The following LAMA2 variants were observed in gnomAD, a reference collection of about 807,000 sequenced individuals.
The protein encoded by LAMA2 is laminin subunit alpha 2.
In LAMA2, 269 loss-of-function variants were observed where a neutral mutation model predicts 364.8. The observed-to-expected ratio is 0.74, with a 90% CI of 0.67 to 0.82. The LOEUF (loss-of-function observed/expected upper bound fraction) is 0.82. LAMA2 is among the 40% of genes least tolerant of loss of function. The pLI is 0.00. For missense variants in LAMA2, 3,807 were observed against 3,873.2 expected (o/e 0.98, Z 0.45); for synonymous variants, 1,379 against 1,370.6 (o/e 1.01, Z -0.14).
intron 4 of LAMA2, among the ~76,000 whole-genome samples, chr6:129,137,281 G>C: frequency 6.6e-6 from 1 of 151,444 alleles, no homozygotes; most frequent in Non-Finnish European, 1.5e-5. Context: ...CTTTATTAAA[G>C]ACCTTCCAAA....
chr6:129,211,446 TA>T (rs1783096151), intron 12 of LAMA2, among the ~76,000 whole-genome samples: 3 of 152,204 alleles, frequency 2.0e-5, no homozygotes, highest in Non-Finnish European at 2.9e-5. Flanking sequence ...AGAATCTTTA[TA>T]AAACTCAAAT....
intron 41 of LAMA2, among the ~76,000 whole-genome samples, chr6:129,428,104 A>G (rs1281569194): frequency 2.0e-5 from 3 of 152,200 alleles, no homozygotes. Flanking sequence ...TATCTAATGT[A>G]TAGTAACTTT....
chr6:129,361,783 C>CTTTTTTT (rs66805881), intron 32 of LAMA2, among the ~76,000 whole-genome samples: 2 of 121,094 alleles, frequency 1.7e-5, no homozygotes, highest in African/African-American at 3.1e-5. Flanking sequence ...TAACAGTAAC[C>CTTTTTTT]TTTTTTTTTT....
At chr6:128,895,129 AC>A (rs1776683902) in intron 1 of LAMA2, among the ~76,000 whole-genome samples, 1 of 152,200 alleles carries the variant, frequency 6.6e-6, no homozygotes, top group Admixed American at 6.5e-5. Flanking sequence ...GGAGAGTGAT[AC>A]CATTTCTTTT....
At position 129,124,361 on chromosome 6, in the gene LAMA2, G is replaced by T. The variant is rs148166042; in HGVS notation, c.640-19540G>T. 8.1e-4 allele frequency among the ~76,000 whole-genome samples: 123 copies of T among 152,294 alleles called. 1 individual carries two copies. Among genetic ancestry groups the T allele is most frequent in the African/African-American group, 2.9e-3 (119 of 41,560 alleles). ...AAAGGGTAGGTTTACTCATAGCTTG[G>T]GAAGAGAGAGATGGTGTCTCCCTCC... On this transcript the variant is annotated intron_variant, in intron 4 of 64. Coordinates refer to ENST00000421865, the MANE Select transcript of LAMA2 (RefSeq NM_000426.4).
intron 12 of LAMA2, among the ~76,000 whole-genome samples, chr6:129,247,175 C>T (rs928639631): frequency 6.6e-6 from 1 of 152,076 alleles, no homozygotes; most frequent in Non-Finnish European, 1.5e-5. Context: ...AGAGCCTGAG[C>T]GTGGTGGCTC....
intron 3 of LAMA2, among the ~76,000 whole-genome samples, chr6:129,085,280 C>T (rs1168438707): frequency 6.6e-6 from 1 of 152,156 alleles, no homozygotes; most frequent in Non-Finnish European, 1.5e-5. Flanking sequence ...AAGGCTTTTA[C>T]AAATGTTAAG....
chr6:129,114,122 A>C (rs1029987387), intron 4 of LAMA2, among the ~76,000 whole-genome samples: 1 of 152,046 alleles, frequency 6.6e-6, no homozygotes, highest in African/African-American at 2.4e-5. Context: ...TTTGGACTCC[A>C]AAATTGGATG....
intron 1 of LAMA2, among the ~76,000 whole-genome samples, chr6:128,904,051 A>T (rs1037749229): frequency 2.6e-5 from 4 of 152,178 alleles, no homozygotes; most frequent in Admixed American, 6.5e-5. Flanking sequence ...TAGAACCGCC[A>T]TTTCCTTAAG....
intron 20 of LAMA2, among the ~76,000 whole-genome samples, chr6:129,296,530 C>G (rs551290968): frequency 6.6e-6 from 1 of 151,924 alleles, no homozygotes; most frequent in African/African-American, 2.4e-5. Context: ...TTCTTAGCTA[C>G]GGTCATTTTA....
chr6:128,956,937 T>C (rs1781192109), intron 1 of LAMA2, among the ~76,000 whole-genome samples: 2 of 152,050 alleles, frequency 1.3e-5, no homozygotes, highest in African/African-American at 2.4e-5. Flanking sequence ...CATGGAAATA[T>C]CAAAGCAGTG....
In LAMA2 at chr6:128,933,266, CTGTG is replaced by C. The variant is rs1582711948; in HGVS notation, c.112+49913_112+49916del. On this transcript the variant is annotated intron_variant, in intron 1 of 64. Transcript: ENST00000421865. ...TGTGTGTGTGTGTGTGTGTGTGTGT[CTGTG>C]TGTCTGTGTATGTGTGTATACTATA... Among the ~76,000 whole-genome samples the C allele has an allele frequency of 1.3e-4, 17 of 132,876 alleles. No homozygotes were observed. The East Asian group carries it at 3.2e-3, about 25-fold the overall frequency. The allele number at this position is 132,876 out of a possible 152,430, so 87.2% of individuals were successfully genotyped here. A position where few individuals can be genotyped will look rare whatever the true frequency, so the allele number is the denominator to read the frequency against.
Position 129,427,844 on chromosome 6 carries a change from T to C in LAMA2, c.5958T>C (p.Asn1986=), listed in dbSNP as rs2114740897. ...RILNEAKKLA[N]DVKENEDHLN... ...TTAACGAAGCCAAGAAGTTAGCAAA[T>C]GATGTAAAAGGTCAGTGTGGCCATA... is the stretch of plus-strand genomic sequence containing the variant. The change falls in exon 41 of 65, where the codon AAT becomes AAC. Residue 1986 remains asparagine (N), a synonymous_variant. Coordinates refer to ENST00000421865, the MANE Select transcript of LAMA2 (RefSeq NM_000426.4). 2.5e-6 allele frequency: 4 copies of C among 1,610,166 alleles called. No individual in the cohort carries two copies. The highest frequency in any genetic ancestry group is 3.4e-6 in the Non-Finnish European group (4 of 1,176,548).
At position 129,226,412 on chromosome 6, in the gene LAMA2, G is replaced by A. The variant is rs541272185; in HGVS notation, c.1783-23700G>A. Among the ~76,000 whole-genome samples, 296 of 152,320 alleles carry A rather than the reference G, an allele frequency of 1.9e-3. 2 individuals are homozygous for A. The highest frequency in any genetic ancestry group is 2.9e-3 in the Non-Finnish European group (199 of 68,032). ...GTTATTTTGCTCGTTAGTTGTTTCA[G>A]TTTCTTCCTAGCATCGATGGTCTTT... On this transcript the variant is annotated intron_variant, in intron 12 of 64. Transcript: ENST00000421865.
chr6:128,895,431 GACC>G (rs1776710470), intron 1 of LAMA2, among the ~76,000 whole-genome samples: 1 of 133,264 alleles, frequency 7.5e-6, no homozygotes, highest in South Asian at 2.4e-4. Flanking sequence ...AGGAGATCGA[GACC>G]ATCCTGGCTA....
intron 4 of LAMA2, among the ~76,000 whole-genome samples, chr6:129,099,163 C>G (rs1414209486): frequency 1.1e-5 from 1 of 89,178 alleles, no homozygotes; most frequent in African/African-American, 4.3e-5. Flanking sequence ...GTTGTGTGTT[C>G]TTGATCCAGT....
At chr6:129,052,910 G>A (rs2114781166) in intron 2 of LAMA2, among the ~76,000 whole-genome samples, 1 of 152,044 alleles carries the variant, frequency 6.6e-6, no homozygotes, top group Admixed American at 6.5e-5. Flanking sequence ...TATAATTTAG[G>A]AATGCAGAAA....
At chr6:128,994,308 G>T (rs1783791154) in intron 1 of LAMA2, among the ~76,000 whole-genome samples, 1 of 152,174 alleles carries the variant, frequency 6.6e-6, no homozygotes, top group Non-Finnish European at 1.5e-5. Context: ...GATGTTTTCA[G>T]TATATCACAC....
chr6:129,291,009 TAACAC>T (rs1261318214), intron 19 of LAMA2, among the ~76,000 whole-genome samples: 1 of 152,176 alleles, frequency 6.6e-6, no homozygotes, highest in Non-Finnish European at 1.5e-5. Context: ...TTTTTAAACT[TAACAC>T]AAAACCGGCA....
Sources: allele counts gnomAD v4.1 joint callset (sites outside exome capture counted in the v4.1 genomes callset), GRCh38; gene constraint gnomAD v4.1.1; transcripts MANE v1.5; gene names NCBI Gene and HGNC (gene_info 2026-07-23, HGNC 2026-07-21).